COL5A1: variants seen among roughly 807,000 people sequenced by gnomAD.
COL5A1 encodes the protein collagen type V alpha 1 chain, also known as collagen alpha-1(V) chain.
Under a neutral mutation model 263.7 loss-of-function variants are expected in COL5A1, and 16 were observed. That is an observed-to-expected ratio of 0.06 (90% CI 0.04 to 0.09). The LOEUF is 0.09. COL5A1 is among the 10% of genes least tolerant of loss of function. COL5A1 has a pLI of 1.00. For synonymous variants in COL5A1, 1,012 were observed against 1,004.5 expected, an observed-to-expected ratio of 1.01 and a Z score of -0.14; for missense variants, 2,036 against 2,540.5, an observed-to-expected ratio of 0.80 and a Z score of 4.27.
In COL5A1 at chr9:134,681,105, CCT is replaced by C. The variant is rs1232664126; in HGVS notation, c.110-9804_110-9803del. On this transcript the variant is annotated intron_variant, in intron 1 of 65. Coordinates refer to ENST00000371817, the MANE Select transcript of COL5A1 (RefSeq NM_000093.5). This position sits in a 1 kb window ranked among gnomAD's most constrained non-coding sequence, Gnocchi z 4.3. ...AATTTCAGTCGCAGCCTCCAGAGCGCCTCTGTTTTTCGACCTGCTGGGTTGAC... is the reference window on the plus strand; with the variant it reads ...AATTTCAGTCGCAGCCTCCAGAGCGCCTGTTTTTCGACCTGCTGGGTTGAC... Among the ~76,000 whole-genome samples the C allele has an allele frequency of 2.0e-5, 3 of 152,180 alleles. No homozygotes were observed. Among genetic ancestry groups the C allele is most frequent in the Admixed American group, 2.0e-4 (3 of 15,286 alleles).
Position 134,728,629 on chromosome 9 carries a change from G to A in COL5A1, c.787-41G>A, listed in dbSNP as rs141083858. ...AAGGACAGCAGGCTGGTCGCTCTGC[G>A]GGCTCCGCTGCTTCCTCACGGGGCC... On this transcript the variant is annotated intron_variant, in intron 5 of 65. Coordinates refer to ENST00000371817, the MANE Select transcript of COL5A1 (RefSeq NM_000093.5). 8.8e-4 allele frequency: 1,416 copies of A among 1,612,984 alleles called. 13 individuals carry two copies. In the African/African-American group the frequency reaches 0.016, roughly 19 times the overall value.
At chr9:134,723,339 C>G (rs770599753) in intron 4 of COL5A1, among the ~76,000 whole-genome samples, 2 of 152,140 alleles carry the variant, frequency 1.3e-5, no homozygotes, top group Admixed American at 1.3e-4. Flanking sequence ...CCTGAAACTT[C>G]AGATGAGGCA....
At chr9:134,656,119 T>G (rs1463382088) in intron 1 of COL5A1, among the ~76,000 whole-genome samples, 2 of 152,084 alleles carry the variant, frequency 1.3e-5, no homozygotes, top group African/African-American at 4.8e-5. Flanking sequence ...AGTGGACAGG[T>G]GCAGGAGCCC....
chr9:134,751,330 T>A (rs1835773643), intron 13 of COL5A1, among the ~76,000 whole-genome samples: 1 of 152,178 alleles, frequency 6.6e-6, no homozygotes, highest in Non-Finnish European at 1.5e-5. Flanking sequence ...ACAAGGGGCT[T>A]CTGGGCCCCT....
At chr9:134,695,422 A>G (rs1833424197) in intron 2 of COL5A1, among the ~76,000 whole-genome samples, 1 of 152,132 alleles carries the variant, frequency 6.6e-6, no homozygotes, top group Non-Finnish European at 1.5e-5. Context: ...GGGCCCTGGG[A>G]CCCTCCACAG....
chr9:134,835,959 G>A (rs1839839545), intron 65 of COL5A1, among the ~76,000 whole-genome samples: 1 of 152,210 alleles, frequency 6.6e-6, no homozygotes, highest in Non-Finnish European at 1.5e-5. Context: ...GGGAGCCTCA[G>A]ACATGTCCCC....
At chr9:134,655,482 G>T (rs549834285) in intron 1 of COL5A1, among the ~76,000 whole-genome samples, 1 of 152,192 alleles carries the variant, frequency 6.6e-6, no homozygotes, top group East Asian at 1.9e-4. Flanking sequence ...ACCTTCCTGT[G>T]CCTCAGTTTC....
chr9:134,653,863 G>C (rs1049941683), intron 1 of COL5A1, among the ~76,000 whole-genome samples: 1 of 151,410 alleles, frequency 6.6e-6, no homozygotes, highest in African/African-American at 2.4e-5. Context: ...AGTCTGTAGG[G>C]CCAGGCATCT....
chr9:134,766,642 T>C, intron 22 of COL5A1, 144 bp downstream of exon 22: 1 of 814,358 alleles, frequency 1.2e-6, no homozygotes, highest in Non-Finnish European at 2.0e-6. Context: ...GTGCCCACCC[T>C]CCAGTGGTGA....
At chr9:134,673,237 A>G (rs901204705) in intron 1 of COL5A1, among the ~76,000 whole-genome samples, 16 of 152,206 alleles carry the variant, frequency 1.1e-4, no homozygotes, top group Admixed American at 4.6e-4. Context: ...AGAACATCGG[A>G]GGGCTTATGC....
intron 42 of COL5A1, 100 bp from the exon 43 acceptor site, chr9:134,809,083 C>T (rs1052782126): frequency 2.3e-5 from 25 of 1,069,908 alleles, no homozygotes; most frequent in Non-Finnish European, 3.2e-5. Flanking sequence ...TCACCAACTC[C>T]CACTTCCTGC....
At chr9:134,797,023 T>C in intron 36 of COL5A1, 122 bp downstream of exon 36, 1 of 1,076,864 alleles carries the variant, frequency 9.3e-7, no homozygotes, top group South Asian at 1.3e-5. Flanking sequence ...GGCCGGTGGG[T>C]GGAGGGAGGC....
At chr9:134,709,029 C>T (rs1367950486) in intron 4 of COL5A1, 1 of 445,380 alleles carries the variant, frequency 2.2e-6, no homozygotes, top group South Asian at 1.6e-5. Flanking sequence ...TAGGGCCCAT[C>T]CTAATCTAGG....
intron 26 of COL5A1, among the ~76,000 whole-genome samples, chr9:134,774,324 G>T (rs1015689677): frequency 2.0e-5 from 3 of 152,188 alleles, no homozygotes; most frequent in Non-Finnish European, 4.4e-5. Context: ...GAGGGAGGCG[G>T]TGGGAGCCGT....
intron 20 of COL5A1, among the ~76,000 whole-genome samples, chr9:134,764,813 A>G (rs1216467565): frequency 6.6e-6 from 1 of 152,196 alleles, no homozygotes; most frequent in Non-Finnish European, 1.5e-5. Context: ...CACATGTCCA[A>G]GTAATACCTT....
intron 1 of COL5A1, among the ~76,000 whole-genome samples, chr9:134,643,050 G>T (rs1831353136): frequency 6.6e-6 from 1 of 152,260 alleles, no homozygotes. Flanking sequence ...ATATGCAGAT[G>T]TGGGATTCCT....
intron 37 of COL5A1, among the ~76,000 whole-genome samples, 199 bp downstream of exon 37, chr9:134,798,660 G>A (rs997685785): frequency 1.9e-5 from 2 of 107,144 alleles, no homozygotes; most frequent in Admixed American, 8.8e-5. Flanking sequence ...GGGCAGAGCA[G>A]TCATGCAGGC....
rs560740748 is a variant in COL5A1, at chr9:134,664,317, C to T, written c.109+22021C>T. Among the ~76,000 whole-genome samples, 7 of 152,198 alleles carry T rather than the reference C, an allele frequency of 4.6e-5. No homozygotes were observed. The South Asian group carries it at 6.2e-4, about 14-fold the overall frequency. On this transcript the variant is annotated intron_variant, in intron 1 of 65. Transcript: ENST00000371817. ...ACAGTCTTGGGATGGGAAGCTTTTC[C>T]GAGTATGACGTAAGCCCCTGCAGTT...
intron 19 of COL5A1, 95 bp from the exon 20 acceptor site, chr9:134,763,598 C>A: frequency 7.7e-7 from 1 of 1,295,842 alleles, no homozygotes; most frequent in Admixed American, 1.7e-5. Flanking sequence ...TGTGAAGCAG[C>A]CCCAAGCCAG....
Sources: allele counts gnomAD v4.1 joint callset (sites outside exome capture counted in the v4.1 genomes callset), GRCh38; gene constraint gnomAD v4.1.1; non-coding constraint Gnocchi (gnomAD v3.1); transcripts MANE v1.5; gene names NCBI Gene and HGNC (gene_info 2026-07-23, HGNC 2026-07-21).